The following GFM2 variants were observed in gnomAD, a reference collection of about 807,000 sequenced individuals.
GFM2 encodes the protein GTP dependent ribosome recycling factor mitochondrial 2, also known as ribosome-releasing factor 2, mitochondrial.
GFM2 carries 72 observed loss-of-function variants against 95.4 expected under a neutral mutation model. The observed-to-expected ratio is 0.76, with a 90% confidence interval of 0.62 to 0.92. The LOEUF (loss-of-function observed/expected upper bound fraction) is 0.92. Ranked by LOEUF, GFM2 falls within the 40% of genes least tolerant of loss-of-function variation. The probability of loss-of-function intolerance (pLI) is 0.00; values close to 1 mark genes in which losing one functional copy is unlikely to be tolerated. For synonymous variants in GFM2, 276 were observed against 317.5 expected (o/e 0.87, Z 1.39); for missense variants, 825 against 924.1 (o/e 0.89, Z 1.39).
chr5:74,743,559 T>C (rs562074037), intron 10 of GFM2, among the ~76,000 whole-genome samples: 2 of 152,222 alleles, frequency 1.3e-5, no homozygotes, highest in South Asian at 2.1e-4. Context: ...TGTCACATAC[T>C]ATCACATCCT....
chr5:74,748,918 A>AAAATAAT (rs1743540476), intron 7 of GFM2, among the ~76,000 whole-genome samples: 2 of 138,992 alleles, frequency 1.4e-5, no homozygotes, highest in African/African-American at 5.7e-5. Flanking sequence ...ATAAAAAAAT[A>AAAATAAT]AAAAAAAATA....
In GFM2 at chr5:74,733,117, T is replaced by A; in HGVS notation, c.1511-19A>T. ...TCCAAATCTATGGGATAAACAACTG[T>A]TATCTTTACATTTCATTTTTTAAAT... is the stretch of plus-strand genomic sequence containing the variant. On this transcript the variant is annotated intron_variant, in intron 15 of 20. Coordinates refer to ENST00000296805, the MANE Select transcript of GFM2 (RefSeq NM_032380.5). The A allele has an allele frequency of 6.5e-7, 1 of 1,538,166 alleles. No homozygotes were observed. The highest frequency in any genetic ancestry group is 9.0e-7 in the Non-Finnish European group (1 of 1,111,228).
chr5:74,728,748 C>CTTTTTTTTTTTTTTT (rs57180600), intron 17 of GFM2, among the ~76,000 whole-genome samples: 1 of 58,246 alleles, frequency 1.7e-5, no homozygotes, highest in Non-Finnish European at 3.5e-5. Flanking sequence ...GTGGGGGTTT[C>CTTTTTTTTTTTTTTT]TTTTTTTTTT....
intron 11 of GFM2, 39 bp from the exon 12 acceptor site, chr5:74,740,176 A>G: frequency 1.3e-6 from 2 of 1,562,976 alleles, no homozygotes; most frequent in Non-Finnish European, 1.7e-6. Context: ...TATTTTGTGT[A>G]CTGGTCTTGG....
rs1436269462 is a variant in GFM2, at chr5:74,726,123, G to GT, written c.1729dup (p.Thr577AsnfsTer4). 1 of 1,600,776 alleles carries GT rather than the reference G, an allele frequency of 6.2e-7. No homozygotes were observed. Among genetic ancestry groups the GT allele is most frequent in the Non-Finnish European group, 8.5e-7 (1 of 1,174,422 alleles). On this transcript the variant is annotated frameshift_variant, in exon 18 of 21. Transcript: ENST00000296805. LOFTEE classifies it high-confidence loss of function. The stretch of plus-strand genomic sequence containing the variant: ...TTTGTCTCCTAAAGTTCTATCTAAG[G>GT]TATCTGTAAACAAATTGAATATGGC...
At chr5:74,738,678 A>G in intron 12 of GFM2, 36 bp from the exon 13 acceptor site, 1 of 1,577,502 alleles carries the variant, frequency 6.3e-7, no homozygotes. Flanking sequence ...CCTATAAAAT[A>G]CACTTCCCAT....
intron 6 of GFM2, among the ~76,000 whole-genome samples, chr5:74,751,074 T>C (rs1004697366): frequency 6.6e-6 from 1 of 152,132 alleles, no homozygotes; most frequent in Admixed American, 6.5e-5. Flanking sequence ...GCTAGTCAAA[T>C]ACATAGGTAT....
intron 19 of GFM2, among the ~76,000 whole-genome samples, chr5:74,723,234 C>T (rs920777103): frequency 2.6e-5 from 4 of 152,160 alleles, no homozygotes; most frequent in East Asian, 1.9e-4. Context: ...GCTTCAAAAA[C>T]GACTTCAACA....
Position 74,721,433 on chromosome 5 carries a change from T to G in GFM2, c.*222A>C. 1 of 705,802 alleles carries G rather than the reference T, an allele frequency of 1.4e-6. No individual in the cohort carries two copies. The allele number at this position is 705,802 out of a possible 1,614,324, so 43.7% of individuals were successfully genotyped here. A position where few individuals can be genotyped will look rare whatever the true frequency, so the allele number is the denominator to read the frequency against. On this transcript the variant is annotated 3_prime_UTR_variant, in exon 21 of 21. Transcript: ENST00000296805. ...TAACTTCATAGATGAACAGCATGAT[T>G]CAGGTACAGTGGCTTTAAACATCAA...
At chr5:74,725,865 G>A in intron 18 of GFM2, 76 bp downstream of exon 18, 1 of 1,479,698 alleles carries the variant, frequency 6.8e-7, no homozygotes, top group Non-Finnish European at 9.4e-7. Flanking sequence ...GAAAAAGACT[G>A]AAATAATCTG....
At chr5:74,740,248 CCTT>C (rs1265519562) in intron 11 of GFM2, 111 bp from the exon 12 acceptor site, 15 of 715,262 alleles carry the variant, frequency 2.1e-5, no homozygotes, top group Non-Finnish European at 3.4e-5. Context: ...CCTCATCACA[CCTT>C]CATCATTTTG....
rs769692043 is a variant in GFM2, at chr5:74,725,689, C to G, written c.1979G>C (p.Gly660Ala). ...ITLHSLTIHP[G>A]TSTTMISACV... ...GGCAGAAATCATAGTTGTGGAGGTG[C>G]CAGGATGAATTGTCAGGGAATGTAA... is the stretch of plus-strand genomic sequence containing the variant. The change falls in exon 19 of 21, where the codon GGC becomes GCC. Residue 660 changes from glycine to alanine, a missense_variant. By Grantham distance (60) the Gly-to-Ala change is moderately conservative. Coordinates refer to ENST00000296805, the MANE Select transcript of GFM2 (RefSeq NM_032380.5). 2.5e-6 allele frequency: 4 copies of G among 1,613,788 alleles called. No homozygotes were observed. The highest frequency in any genetic ancestry group is 1.7e-5 in the Admixed American group (1 of 59,984).
chr5:74,721,419 A>T lies in GFM2; in HGVS notation c.*236T>A, dbSNP rs191033237. 181 of 710,106 alleles carry T rather than the reference A, an allele frequency of 2.5e-4. No individual in the cohort carries two copies. Among genetic ancestry groups the T allele is most frequent in the Non-Finnish European group, 4.2e-4 (164 of 393,900 alleles). The allele number at this position is 710,106 out of a possible 1,614,324, so 44.0% of individuals were successfully genotyped here. A position where few individuals can be genotyped will look rare whatever the true frequency, so the allele number is the denominator to read the frequency against. On this transcript the variant is annotated 3_prime_UTR_variant, in exon 21 of 21. Transcript: ENST00000296805. ...GCTACTTATAGTAATAACTTCATAG[A>T]TGAACAGCATGATTCAGGTACAGTG...
Position 74,763,774 on chromosome 5 carries a change from A to T in GFM2, c.-24-8T>A. 3 of 1,574,626 alleles carry T rather than the reference A, an allele frequency of 1.9e-6. No homozygotes were observed. The highest frequency in any genetic ancestry group is 2.6e-6 in the Non-Finnish European group (3 of 1,146,552). ...CCTCCAAACTGTTACTGTCTGAAAA[A>T]ATAAATATACAAAATCAAAAAACTA... On this transcript the variant is annotated splice_region_variant and splice_polypyrimidine_tract_variant and intron_variant, in intron 1 of 20. Transcript: ENST00000296805.
intron 15 of GFM2, among the ~76,000 whole-genome samples, chr5:74,734,838 C>T (rs994394407): frequency 1.3e-5 from 2 of 152,128 alleles, no homozygotes; most frequent in Non-Finnish European, 2.9e-5. Context: ...ATCCCTTCCT[C>T]TTGGGGGCTT....
At chr5:74,764,075 ATT>A (rs1197269742) in intron 1 of GFM2, among the ~76,000 whole-genome samples, 2 of 152,216 alleles carry the variant, frequency 1.3e-5, no homozygotes, top group Non-Finnish European at 2.9e-5. Context: ...ACCAAAATGC[ATT>A]GTTATGTAAA....
At chr5:74,741,412 C>G (rs945223881) in intron 11 of GFM2, 117 bp downstream of exon 11, 24 of 609,522 alleles carry the variant, frequency 3.9e-5, no homozygotes, top group Middle Eastern at 2.6e-4. Context: ...TTTAAACTTA[C>G]CACTTTCTAA....
chr5:74,729,450 T>C (rs562330536), intron 17 of GFM2, among the ~76,000 whole-genome samples: 1 of 152,354 alleles, frequency 6.6e-6, no homozygotes, highest in East Asian at 1.9e-4. Context: ...TACTTCCTTT[T>C]TGACTTCTGG....
chr5:74,754,669 C>T (rs1327695400), intron 5 of GFM2, among the ~76,000 whole-genome samples: 2 of 152,068 alleles, frequency 1.3e-5, no homozygotes, highest in Non-Finnish European at 2.9e-5. Context: ...TATCGCAATC[C>T]TAAATATATA....
Sources: allele counts gnomAD v4.1 joint callset (sites outside exome capture counted in the v4.1 genomes callset), GRCh38; gene constraint gnomAD v4.1.1; transcripts MANE v1.5; gene names NCBI Gene and HGNC (gene_info 2026-07-23, HGNC 2026-07-21).